CCDC73: variants seen among roughly 807,000 people sequenced by gnomAD.
CCDC73 encodes coiled-coil domain-containing protein 73.
In CCDC73, 95 loss-of-function variants were observed where a neutral mutation model predicts 116.5. The observed-to-expected ratio is 0.82, with a 90% CI of 0.69 to 0.97. CCDC73 has a LOEUF of 0.97. Among genes scored for constraint, CCDC73 ranks in the 50% least tolerant of loss-of-function variants. The probability of loss-of-function intolerance (pLI) is 0.00; values close to 1 mark genes in which losing one functional copy is unlikely to be tolerated. For missense variants in CCDC73, 1,066 were observed against 1,206.8 expected (o/e 0.88, Z 1.73); for synonymous variants, 398 against 401.3 (o/e 0.99, Z 0.10).
chr11:32,826,687 C>G, the CCDC73 span, among the ~76,000 whole-genome samples: 2 of 147,378 alleles, frequency 1.4e-5, no homozygotes, highest in African/African-American at 5.0e-5. Flanking sequence ...AGTCAAGAAC[C>G]AAGCTACTAC....
intron 7 of CCDC73, chr11:32,680,634 C>G (rs1856134564): frequency 6.6e-6 from 1 of 152,002 alleles, no homozygotes; most frequent in South Asian, 2.1e-4. Context: ...AATATATTTA[C>G]TGATAAAATG....
At chr11:32,677,539 C>G (rs1856099814) in intron 7 of CCDC73, among the ~76,000 whole-genome samples, 1 of 152,150 alleles carries the variant, frequency 6.6e-6, no homozygotes, top group Admixed American at 6.5e-5. Flanking sequence ...CTCACAAACT[C>G]TGGAATTACT....
At chr11:32,632,423 G>A (rs1392682126) in intron 14 of CCDC73, among the ~76,000 whole-genome samples, 1 of 152,072 alleles carries the variant, frequency 6.6e-6, no homozygotes, top group African/African-American at 2.4e-5. Context: ...GCGGGCTTTT[G>A]CCATGTTGCC....
At chr11:32,798,107 C>T (rs532853532), upstream of CCDC73, among the ~76,000 whole-genome samples, 44 of 152,142 alleles carry the variant, frequency 2.9e-4, no homozygotes, top group Non-Finnish European at 5.4e-4. Context: ...GTCTCTAACC[C>T]AACATATCCT....
upstream of CCDC73, among the ~76,000 whole-genome samples, chr11:32,798,397 G>T (rs2133414415): frequency 6.6e-6 from 1 of 152,282 alleles, no homozygotes; most frequent in East Asian, 1.9e-4. Flanking sequence ...GGGCCCCAGG[G>T]GTTCTGGGCC....
intron 2 of CCDC73, among the ~76,000 whole-genome samples, chr11:32,721,408 G>C (rs1849988411): frequency 6.6e-6 from 1 of 151,796 alleles, no homozygotes; most frequent in Non-Finnish European, 1.5e-5. Context: ...GTCAAAAGAG[G>C]GATAGATAGA....
At chr11:32,603,290 A>G in intron 17 of CCDC73, 2 of 306,356 alleles carry the variant, frequency 6.5e-6, no homozygotes, top group Non-Finnish European at 6.0e-6. Context: ...TCAGAACACC[A>G]TTGTTGAAGA....
chr11:32,823,365 G>A, the CCDC73 span, among the ~76,000 whole-genome samples: 59,085 of 151,894 alleles, frequency 0.39, 11,468 homozygotes, highest in South Asian at 0.45. Context: ...TCCCAGCAAC[G>A]CAGGGGGCTA....
intron 2 of CCDC73, among the ~76,000 whole-genome samples, chr11:32,755,550 T>C (rs1211110348): frequency 7.2e-5 from 10 of 139,100 alleles, no homozygotes; most frequent in Non-Finnish European, 1.2e-4. Flanking sequence ...TATATATATA[T>C]ATATATATAT....
chr11:32,789,429 A>T (rs972099842), intron 1 of CCDC73, among the ~76,000 whole-genome samples: 6 of 152,314 alleles, frequency 3.9e-5, no homozygotes, highest in Admixed American at 1.3e-4. Context: ...TTTAACAAAC[A>T]TTTATTGAGT....
intron 3 of CCDC73, among the ~76,000 whole-genome samples, chr11:32,706,804 T>C (rs896642322): frequency 6.6e-6 from 1 of 152,224 alleles, no homozygotes; most frequent in Non-Finnish European, 1.5e-5. Context: ...AATATTATTT[T>C]CCTTTACAAC....
At chr11:32,786,227 T>G (rs945205832) in intron 1 of CCDC73, among the ~76,000 whole-genome samples, 2 of 151,522 alleles carry the variant, frequency 1.3e-5, no homozygotes, top group Non-Finnish European at 2.9e-5. Context: ...CATTAAGAAA[T>G]GCTTACTGAA....
chr11:32,755,803 A>ATG (rs1565094306), intron 2 of CCDC73, among the ~76,000 whole-genome samples: 9 of 130,154 alleles, frequency 6.9e-5, no homozygotes, highest in Non-Finnish European at 1.1e-4. Context: ...ATATATGTGT[A>ATG]TATATATATC....
intron 3 of CCDC73, among the ~76,000 whole-genome samples, chr11:32,713,098 A>G (rs11031947): frequency 0.27 from 41,197 of 151,952 alleles, 6,465 homozygotes; most frequent in East Asian, 0.79. Context: ...TGTGCTTCAG[A>G]CAGATTTATT....
chr11:32,634,132 C>G (rs986926091), intron 14 of CCDC73, among the ~76,000 whole-genome samples: 1 of 152,042 alleles, frequency 6.6e-6, no homozygotes, highest in Non-Finnish European at 1.5e-5. Context: ...ATCATACCAA[C>G]TCTATACATT....
At chr11:32,829,792 A>G in the CCDC73 span, 1 of 985,318 alleles carries the variant, frequency 1.0e-6, no homozygotes. Flanking sequence ...ATGGGGCAGA[A>G]GCTGGGGCGG....
chr11:32,630,739 AAAC>A (rs1370076891), intron 14 of CCDC73, among the ~76,000 whole-genome samples: 1 of 152,232 alleles, frequency 6.6e-6, no homozygotes, highest in African/African-American at 2.4e-5. Context: ...TTAAAATAGC[AAAC>A]AATATGTACA....
chr11:32,722,261 A>G (rs907122369), intron 2 of CCDC73, among the ~76,000 whole-genome samples: 8 of 152,198 alleles, frequency 5.3e-5, no homozygotes, highest in African/African-American at 1.9e-4. Flanking sequence ...AAGTCAGAGA[A>G]CATCTTGCAG....
At chr11:32,608,235 A>T (rs940816723) in intron 17 of CCDC73, among the ~76,000 whole-genome samples, 4 of 152,182 alleles carry the variant, frequency 2.6e-5, no homozygotes, top group Non-Finnish European at 4.4e-5. Context: ...GCATTAACTC[A>T]AAAGTCCAAA....
Sources: gnomAD v4.1 joint callset for allele counts (sites outside exome capture counted in the v4.1 genomes callset) on GRCh38, gnomAD v4.1.1 for gene constraint, MANE v1.5 for transcripts, NCBI Gene and HGNC (gene_info 2026-07-23, HGNC 2026-07-21) for gene names.